The following ART3 variants were observed in gnomAD, a reference collection of about 807,000 sequenced individuals.
ART3 encodes the protein ADP-ribosyltransferase 3 (inactive).
In ART3, 49 loss-of-function variants were observed where a neutral mutation model predicts 48.5. The ratio of observed to expected loss-of-function variants is 1.01; its 90% CI spans 0.80 to 1.28. ART3 has a LOEUF of 1.28. Among genes scored for constraint, ART3 ranks in the 50% most tolerant of loss-of-function variants. The probability of loss-of-function intolerance (pLI) is 0.00; values close to 1 mark genes in which losing one functional copy is unlikely to be tolerated. For synonymous variants in ART3, 145 were observed against 157.2 expected (o/e 0.92, Z 0.58); for missense variants, 438 against 454.3 (o/e 0.96, Z 0.33).
intron 1 of ART3, chr4:76,036,113 CA>C: frequency 1.4e-6 from 1 of 739,778 alleles, no homozygotes. Context: ...GCATTTTATA[CA>C]CCAGCAATCC....
chr4:76,031,956 G>A (rs1162964100), intron 1 of ART3, among the ~76,000 whole-genome samples: 3 of 152,160 alleles, frequency 2.0e-5, no homozygotes, highest in African/African-American at 7.2e-5. Flanking sequence ...AGGCTTCTTG[G>A]AGAAAAAGTC....
intron 1 of ART3, among the ~76,000 whole-genome samples, chr4:76,060,203 A>G (rs1417272043): frequency 2.6e-5 from 4 of 152,180 alleles, no homozygotes; most frequent in Non-Finnish European, 4.4e-5. Flanking sequence ...TACTGATGTC[A>G]GATGTTTTTC....
intron 1 of ART3, among the ~76,000 whole-genome samples, chr4:76,028,715 T>C (rs1395353351): frequency 6.6e-5 from 10 of 152,198 alleles, no homozygotes; most frequent in African/African-American, 2.4e-4. Flanking sequence ...GCTCACAGTG[T>C]TTGGTAATAC....
intron 11 of ART3, among the ~76,000 whole-genome samples, 155 bp from the exon 12 acceptor site, chr4:76,112,229 TAC>T (rs1729632427): frequency 6.6e-6 from 1 of 152,254 alleles, no homozygotes; most frequent in African/African-American, 2.4e-5. Flanking sequence ...TGTAATGAAT[TAC>T]ACTTATTTGA....
intron 8 of ART3, among the ~76,000 whole-genome samples, chr4:76,102,538 C>T (rs12331521): frequency 0.54 from 81,438 of 151,344 alleles, 22,854 homozygotes; most frequent in East Asian, 0.98. Context: ...TAAAATATTA[C>T]CTATATTATG....
At chr4:76,020,396 C>T (rs1369723487) in intron 1 of ART3, among the ~76,000 whole-genome samples, 1 of 152,168 alleles carries the variant, frequency 6.6e-6, no homozygotes, top group Admixed American at 6.5e-5. Flanking sequence ...CCACACCCAG[C>T]CTTGTCTTTT....
At chr4:76,055,001 C>T (rs1718547787) in intron 1 of ART3, among the ~76,000 whole-genome samples, 1 of 152,186 alleles carries the variant, frequency 6.6e-6, no homozygotes, top group African/African-American at 2.4e-5. Context: ...ACTCAAACTC[C>T]TGGCCTCAGG....
rs964699025 is a variant in ART3, at chr4:76,098,982, A to G, written c.842A>G (p.Asn281Ser). The change falls in exon 5 of 12, where the codon AAC becomes AGC. Residue 281 changes from asparagine to serine, a missense_variant. Coordinates refer to ENST00000355810, the MANE Select transcript of ART3 (RefSeq NM_001130016.3). Reference protein sequence around the residue: ...LEYFQPIYVYNPGEKNQKLED... With the variant: ...LEYFQPIYVYSPGEKNQKLED... ...TATTTTCAACCCATCTATGTCTACA[A>G]CCCTGGTGAGTATGTTCTAATTTTT... 3 of 1,608,928 alleles carry G rather than the reference A, an allele frequency of 1.9e-6. No individual in the cohort carries two copies. The Admixed American group carries it at 5.0e-5, about 27-fold the overall frequency.
chr4:76,084,094 C>T (rs555832365), intron 3 of ART3, among the ~76,000 whole-genome samples: 2 of 152,170 alleles, frequency 1.3e-5, no homozygotes, highest in African/African-American at 4.8e-5. Flanking sequence ...AGTAATTCAC[C>T]TCCAAATCCT....
intron 11 of ART3, among the ~76,000 whole-genome samples, chr4:76,108,820 A>C (rs1728948529): frequency 6.6e-6 from 1 of 152,218 alleles, no homozygotes; most frequent in African/African-American, 2.4e-5. Flanking sequence ...CCTTTACAGC[A>C]TGTTATTGTG....
At chr4:76,037,522 G>C (rs1007330111) in intron 1 of ART3, among the ~76,000 whole-genome samples, 1 of 151,514 alleles carries the variant, frequency 6.6e-6, no homozygotes, top group Non-Finnish European at 1.5e-5. Context: ...TTCTGGAGTC[G>C]AGTGGCACAA....
chr4:76,045,036 A>C (rs890473833), intron 1 of ART3, among the ~76,000 whole-genome samples: 6 of 151,984 alleles, frequency 3.9e-5, no homozygotes, highest in Admixed American at 2.0e-4. Flanking sequence ...CCCAGTTCTA[A>C]GGCTCGGGTA....
At chr4:76,070,623 A>G (rs1720216776), upstream of ART3, among the ~76,000 whole-genome samples, 1 of 152,200 alleles carries the variant, frequency 6.6e-6, no homozygotes, top group South Asian at 2.1e-4. Flanking sequence ...AGAAAAATAC[A>G]ACCATCTTAA....
intron 8 of ART3, among the ~76,000 whole-genome samples, chr4:76,103,505 C>T (rs1388282874): frequency 2.0e-5 from 3 of 152,158 alleles, no homozygotes; most frequent in Non-Finnish European, 4.4e-5. Flanking sequence ...CTTCAATCTT[C>T]ACTAACTACA....
Position 76,021,944 on chromosome 4 carries a change from T to G in ART3, c.-10+10624T>G, listed in dbSNP as rs1367480487. On this transcript the variant is annotated intron_variant, in intron 1 of 9. Transcript: ENST00000341029. ...CCCCTCTGGTTTTAAGGAGATCTTT[T>G]AGACCTGTAAGAAGAGAAAGGGGAT... 3.1e-6 allele frequency: 5 copies of G among 1,611,282 alleles called. No homozygotes were observed. The Admixed American group carries it at 5.0e-5, about 16-fold the overall frequency.
intron 1 of ART3, among the ~76,000 whole-genome samples, chr4:76,066,161 G>C (rs1719716066): frequency 6.6e-6 from 1 of 152,208 alleles, no homozygotes; most frequent in African/African-American, 2.4e-5. Flanking sequence ...TTTAGCAGCA[G>C]AGATTTTTTC....
chr4:76,103,745 G>T (rs998936094), intron 8 of ART3, among the ~76,000 whole-genome samples, 192 bp from the exon 9 acceptor site: 2 of 152,128 alleles, frequency 1.3e-5, no homozygotes, highest in African/African-American at 4.8e-5. Flanking sequence ...TCCAGGCTAA[G>T]GAGTTTGGAC....
intron 2 of ART3, among the ~76,000 whole-genome samples, chr4:76,080,367 AAAT>A (rs1279421060): frequency 6.6e-6 from 1 of 152,186 alleles, no homozygotes; most frequent in African/African-American, 2.4e-5. Context: ...CCTTATGAAA[AAAT>A]AATAATAACC....
intron 1 of ART3, among the ~76,000 whole-genome samples, chr4:76,024,798 T>C (rs976919189): frequency 1.3e-5 from 2 of 152,146 alleles, no homozygotes; most frequent in African/African-American, 4.8e-5. Context: ...AATGCAGGGA[T>C]TGGTCAGGGA....
Sources: gnomAD v4.1 joint callset for allele counts (sites outside exome capture counted in the v4.1 genomes callset) on GRCh38, gnomAD v4.1.1 for gene constraint, MANE v1.5 for transcripts, NCBI Gene and HGNC (gene_info 2026-07-23, HGNC 2026-07-21) for gene names.